The following SNRPN variants were observed in gnomAD, a reference collection of about 807,000 sequenced individuals.
SNRPN encodes the protein small nuclear ribonucleoprotein polypeptide N, also known as small nuclear ribonucleoprotein-associated protein N.
A neutral mutation model predicts 25.2 loss-of-function variants in SNRPN; 7 were observed. The ratio of observed to expected loss-of-function variants is 0.28; its 90% CI spans 0.16 to 0.52. The LOEUF (loss-of-function observed/expected upper bound fraction) is 0.52, where lower values mean the gene tolerates loss of function less well. Among genes scored for constraint, SNRPN ranks in the 20% least tolerant of loss-of-function variants. The probability of loss-of-function intolerance (pLI) is 0.96; values close to 1 mark genes in which losing one functional copy is unlikely to be tolerated. For missense variants in SNRPN, 196 were observed against 322.5 expected (o/e 0.61, Z 3.00); for synonymous variants, 124 against 110.6 (o/e 1.12, Z -0.76).
At chr15:24,874,552 G>A (rs986768824) in intron 1 of SNRPN, among the ~76,000 whole-genome samples, 4 of 152,088 alleles carry the variant, frequency 2.6e-5, no homozygotes, top group Non-Finnish European at 4.4e-5. Flanking sequence ...TTTTAACAAC[G>A]TTCAAGTACA....
At chr15:24,877,661 A>AACACACACACACACACACACACACAC (rs72120147) in intron 1 of SNRPN, among the ~76,000 whole-genome samples, 2 of 144,644 alleles carry the variant, frequency 1.4e-5, no homozygotes, top group African/African-American at 5.1e-5. Context: ...ATCTCTACAA[A>AACACACACACACACACACACACACAC]ACACACACAC....
intron 1 of SNRPN, among the ~76,000 whole-genome samples, chr15:24,959,374 C>T (rs1335637023): frequency 3.3e-5 from 5 of 152,058 alleles, no homozygotes; most frequent in African/African-American, 4.8e-5. Flanking sequence ...TGTCTATAGT[C>T]CCAGCACTTT....
chr15:24,911,828 T>C (rs1008421972), intron 2 of SNRPN, among the ~76,000 whole-genome samples: 1 of 152,178 alleles, frequency 6.6e-6, no homozygotes, highest in Non-Finnish European at 1.5e-5. Context: ...ACTAGGGCAA[T>C]ACTCAGTGGA....
rs138260782 is a variant in SNRPN, at chr15:24,915,029, A to C, written c.-504-4982A>C. On this transcript the variant is annotated intron_variant, in intron 2 of 11. Coordinates refer to the SNRPN transcript ENST00000400097. Reference sequence around the variant, plus strand: ...ACAAGATTCTTGTTAAAGATGGGCCAGAGTGGTCATGTATCACTTGGAAGA... The same window carrying C: ...ACAAGATTCTTGTTAAAGATGGGCCCGAGTGGTCATGTATCACTTGGAAGA... Among the ~76,000 whole-genome samples the C allele has an allele frequency of 2.8e-3, 427 of 152,272 alleles. 4 individuals are homozygous for C. Among genetic ancestry groups the C allele is most frequent in the African/African-American group, 1.0e-2 (415 of 41,560 alleles).
At chr15:24,904,714 C>G (rs985356967) in intron 2 of SNRPN, among the ~76,000 whole-genome samples, 1 of 150,804 alleles carries the variant, frequency 6.6e-6, no homozygotes, top group African/African-American at 2.4e-5. Context: ...CAGTGGCTCA[C>G]TTCTGTAATC....
At chr15:24,975,001 G>GT (rs759575151) in intron 4 of SNRPN, 1 of 702,802 alleles carries the variant, frequency 1.4e-6, no homozygotes, top group South Asian at 1.5e-5. Context: ...AAATGGAAGG[G>GT]TTTTGGCATT....
intron 2 of SNRPN, among the ~76,000 whole-genome samples, chr15:24,836,467 A>C (rs1254428773): frequency 6.6e-6 from 1 of 151,714 alleles, no homozygotes; most frequent in African/African-American, 2.4e-5. Flanking sequence ...GCTGGAGTGC[A>C]GTGGTGTGAT....
At chr15:24,969,456 G>C in intron 3 of SNRPN, among the ~76,000 whole-genome samples, 1 of 152,192 alleles carries the variant, frequency 6.6e-6, no homozygotes, top group South Asian at 2.1e-4. Context: ...AAAGGAGACA[G>C]AAATTTTCTG....
intron 2 of SNRPN, among the ~76,000 whole-genome samples, chr15:24,965,325 G>A (rs556083760): frequency 4.7e-4 from 71 of 152,146 alleles, no homozygotes; most frequent in African/African-American, 1.7e-3. Flanking sequence ...ATCACCTGAG[G>A]TCAGGAGTTC....
intron 2 of SNRPN, among the ~76,000 whole-genome samples, chr15:24,834,342 T>A (rs4591124): frequency 6.6e-6 from 1 of 151,810 alleles, no homozygotes. Context: ...GAGACCTTCA[T>A]TCTGAGGCAA....
At chr15:24,875,289 G>C (rs2055743114) in intron 1 of SNRPN, among the ~76,000 whole-genome samples, 1 of 152,150 alleles carries the variant, frequency 6.6e-6, no homozygotes, top group Admixed American at 6.5e-5. Context: ...GAAAAGAGTA[G>C]AAAAACCTGA....
Position 24,875,337 on chromosome 15 carries a change from C to T in SNRPN, c.-578-11179C>T, listed in dbSNP as rs1185348086. On this transcript the variant is annotated intron_variant, in intron 1 of 11. Transcript: ENST00000400097. ...CTGTCTCCAGAATCTTTGTTTACAT[C>T]AACTATGTTAGAATATCTTTTCTAT... 3.3e-5 allele frequency among the ~76,000 whole-genome samples: 5 copies of T among 152,204 alleles called. No individual in the cohort carries two copies. The East Asian group carries it at 9.6e-4, about 29-fold the overall frequency.
At chr15:24,922,706 TG>T (rs2060101253) in intron 3 of SNRPN, among the ~76,000 whole-genome samples, 1 of 152,120 alleles carries the variant, frequency 6.6e-6, no homozygotes, top group African/African-American at 2.4e-5. Flanking sequence ...TATTTATCCA[TG>T]TTGTGTGTAA....
intron 1 of SNRPN, among the ~76,000 whole-genome samples, chr15:24,881,570 A>G (rs1566864073): frequency 1.2e-4 from 4 of 33,714 alleles, no homozygotes; most frequent in Admixed American, 4.3e-4. Flanking sequence ...GGAGGGAGGG[A>G]GGGAGGGAGG....
intron 2 of SNRPN, among the ~76,000 whole-genome samples, chr15:24,834,362 C>T (rs2050827491): frequency 6.6e-6 from 1 of 152,048 alleles, no homozygotes; most frequent in South Asian, 2.1e-4. Context: ...AATTCTAAGA[C>T]GGCTCAGCAT....
At chr15:24,863,281 C>T (rs2054176258) in intron 1 of SNRPN, among the ~76,000 whole-genome samples, 1 of 150,650 alleles carries the variant, frequency 6.6e-6, no homozygotes, top group South Asian at 2.1e-4. Flanking sequence ...CACCTTGCAT[C>T]ACAGGGTGAG....
chr15:24,927,910 T>C (rs2060526269), intron 3 of SNRPN, among the ~76,000 whole-genome samples: 1 of 152,220 alleles, frequency 6.6e-6, no homozygotes, highest in Admixed American at 6.5e-5. Flanking sequence ...ATTCTACTGA[T>C]GCTGTTTTGG....
At chr15:24,830,021 C>T (rs2050389020) in intron 2 of SNRPN, 1 of 152,070 alleles carries the variant, frequency 6.6e-6, no homozygotes, top group African/African-American at 2.4e-5. Flanking sequence ...TGAGGATATA[C>T]ACGTTTGTCA....
intron 1 of SNRPN, among the ~76,000 whole-genome samples, chr15:24,827,602 C>G (rs556094918): frequency 7.7e-4 from 116 of 151,336 alleles, no homozygotes; most frequent in Non-Finnish European, 1.4e-3. Flanking sequence ...GGCGCAGTAG[C>G]TCACGTCTGT....
Sources: allele counts gnomAD v4.1 joint callset (sites outside exome capture counted in the v4.1 genomes callset), GRCh38; gene constraint gnomAD v4.1.1; transcripts MANE v1.5; gene names NCBI Gene and HGNC (gene_info 2026-07-23, HGNC 2026-07-21).